Variants in RAB10 observed in about 807,000 individuals in gnomAD.
RAB10 encodes the protein ras-related protein Rab-10.
RAB10 carries 5 observed loss-of-function variants against 25.7 expected under a neutral mutation model. The observed-to-expected ratio is 0.19, with a 90% CI of 0.10 to 0.41. The LOEUF (loss-of-function observed/expected upper bound fraction) is 0.41. Ranked by LOEUF, RAB10 falls within the 10% of genes least tolerant of loss-of-function variation. RAB10 has a pLI of 1.00. For missense variants in RAB10, 103 were observed against 245.8 expected (o/e 0.42, Z 3.89); for synonymous variants, 89 against 86.4 (o/e 1.03, Z -0.16).
intron 3 of RAB10, among the ~76,000 whole-genome samples, chr2:26,115,642 T>G (rs564055284): frequency 2.6e-5 from 4 of 152,228 alleles, no homozygotes; most frequent in African/African-American, 9.6e-5. Flanking sequence ...ATAAAAATAT[T>G]ATAAAGTTAG....
intron 1 of RAB10, among the ~76,000 whole-genome samples, chr2:26,041,543 C>CAAAAAAAAAAAAAAAAAAAAAAAAAAA (rs1230627488): frequency 2.2e-5 from 1 of 44,628 alleles, no homozygotes; most frequent in Non-Finnish European, 4.6e-5. Context: ...GACGCTGACT[C>CAAAAAAAAAAAAAAAAAAAAAAAAAAA]AAAAAAAAAA....
chr2:26,037,246 G>A (rs980244152), intron 1 of RAB10, among the ~76,000 whole-genome samples: 4 of 152,188 alleles, frequency 2.6e-5, no homozygotes, highest in African/African-American at 9.7e-5. Flanking sequence ...GATGTGTGAT[G>A]ATTTTGGATC....
At chr2:26,091,797 T>G (rs1325948615) in intron 1 of RAB10, among the ~76,000 whole-genome samples, 2 of 152,038 alleles carry the variant, frequency 1.3e-5, no homozygotes, top group Non-Finnish European at 2.9e-5. Context: ...GCAATGAAGA[T>G]TGATGAGTGG....
intron 2 of RAB10, among the ~76,000 whole-genome samples, chr2:26,107,046 G>GACC (rs1012622225): frequency 6.6e-6 from 1 of 152,044 alleles, no homozygotes; most frequent in African/African-American, 2.4e-5. Flanking sequence ...AGGAGTTCAA[G>GACC]ACCAGCCTGG....
At chr2:26,114,746 A>AG (rs1258549851) in intron 3 of RAB10, among the ~76,000 whole-genome samples, 2 of 151,462 alleles carry the variant, frequency 1.3e-5, no homozygotes, top group Non-Finnish European at 2.9e-5. Context: ...ACAAAAAAAA[A>AG]AAAAAAAAAT....
chr2:26,094,618 G>A (rs1667173411), intron 1 of RAB10, among the ~76,000 whole-genome samples: 2 of 151,788 alleles, frequency 1.3e-5, no homozygotes. Context: ...GAGTGCAGTG[G>A]TGCGATCTTG....
intron 1 of RAB10, among the ~76,000 whole-genome samples, chr2:26,058,252 T>G (rs544707307): frequency 7.9e-4 from 120 of 152,306 alleles, no homozygotes; most frequent in Middle Eastern, 3.4e-3. Context: ...CTCCTTGCTT[T>G]CTTTCTTGTC....
In RAB10 at chr2:26,089,101, C is replaced by G. The variant is rs1484228389; in HGVS notation, c.128-9561C>G. Among the ~76,000 whole-genome samples the G allele has an allele frequency of 2.6e-5, 4 of 151,958 alleles. No individual in the cohort carries two copies. In the East Asian group the frequency reaches 7.7e-4, roughly 29 times the overall value. On this transcript the variant is annotated intron_variant, in intron 1 of 5. Coordinates refer to ENST00000264710, the MANE Select transcript of RAB10 (RefSeq NM_016131.5). ...ATAAGACTGGAGAGGTGGCTTGGGG[C>G]CATGCTCAGAAATATATTTATTCAT... is the stretch of plus-strand genomic sequence containing the variant.
intron 3 of RAB10, among the ~76,000 whole-genome samples, chr2:26,116,254 A>G (rs750914836): frequency 5.3e-5 from 8 of 152,120 alleles, no homozygotes; most frequent in Non-Finnish European, 1.2e-4. Flanking sequence ...CTGAGCTCCA[A>G]TAATTCTCCC....
chr2:26,069,473 C>G (rs1420726462), intron 1 of RAB10, among the ~76,000 whole-genome samples: 1 of 151,954 alleles, frequency 6.6e-6, no homozygotes, highest in Non-Finnish European at 1.5e-5. Flanking sequence ...TGAGACCAGC[C>G]TGGCCAATGT....
chr2:26,127,399 G>A (rs1411279002), intron 4 of RAB10, 166 bp downstream of exon 4: 2 of 590,360 alleles, frequency 3.4e-6, no homozygotes, highest in Non-Finnish European at 5.8e-6. Flanking sequence ...TTTTTTCAGT[G>A]CATATTTAAC....
chr2:26,115,431 T>C (rs1667663229), intron 3 of RAB10, among the ~76,000 whole-genome samples: 1 of 152,212 alleles, frequency 6.6e-6, no homozygotes, highest in African/African-American at 2.4e-5. Flanking sequence ...GAAGGACTGA[T>C]ACTTGGTACA....
intron 1 of RAB10, among the ~76,000 whole-genome samples, chr2:26,095,628 A>G (rs1667196522): frequency 6.6e-6 from 1 of 150,754 alleles, no homozygotes; most frequent in Admixed American, 6.6e-5. Flanking sequence ...AAGCAAGCTC[A>G]GGTTGGACGC....
At chr2:26,086,638 A>G (rs1298023263) in intron 1 of RAB10, among the ~76,000 whole-genome samples, 9 of 152,246 alleles carry the variant, frequency 5.9e-5, no homozygotes, top group Non-Finnish European at 1.5e-5. Flanking sequence ...ATACATGTAT[A>G]TGCATATTCA....
At chr2:26,050,882 C>T (rs1466469464) in intron 1 of RAB10, among the ~76,000 whole-genome samples, 1 of 151,894 alleles carries the variant, frequency 6.6e-6, no homozygotes, top group African/African-American at 2.4e-5. Flanking sequence ...GCTGAGATTA[C>T]AGGTGTGAGT....
At chr2:26,113,409 A>G (rs1302703940) in intron 3 of RAB10, among the ~76,000 whole-genome samples, 3 of 152,030 alleles carry the variant, frequency 2.0e-5, no homozygotes, top group Non-Finnish European at 4.4e-5. Flanking sequence ...CCTCGTCTCT[A>G]CTAAAAATAC....
intron 1 of RAB10, among the ~76,000 whole-genome samples, chr2:26,078,050 A>G (rs1208507169): frequency 6.6e-6 from 1 of 152,254 alleles, no homozygotes; most frequent in Non-Finnish European, 1.5e-5. Context: ...CTAGCAGTGA[A>G]TCATCCAAAA....
intron 1 of RAB10, among the ~76,000 whole-genome samples, chr2:26,035,884 T>G (rs146963207): frequency 6.6e-6 from 1 of 152,366 alleles, no homozygotes; most frequent in African/African-American, 2.4e-5. Flanking sequence ...TGCTTCATTC[T>G]CACAAAAGAA....
chr2:26,103,135 G>A (rs141795936), intron 2 of RAB10, among the ~76,000 whole-genome samples: 51 of 152,312 alleles, frequency 3.3e-4, no homozygotes, highest in African/African-American at 1.1e-3. Flanking sequence ...CACTAAGCTG[G>A]GAGGGGTAGA....
Sources: gnomAD v4.1 joint callset for allele counts (sites outside exome capture counted in the v4.1 genomes callset) on GRCh38, gnomAD v4.1.1 for gene constraint, MANE v1.5 for transcripts, NCBI Gene and HGNC (gene_info 2026-07-23, HGNC 2026-07-21) for gene names.